ADAMTSL1: variants seen among roughly 807,000 people sequenced by gnomAD.
ADAMTSL1 encodes the protein ADAMTS like 1.
A neutral mutation model predicts 201.8 loss-of-function variants in ADAMTSL1; 126 were observed. That is an observed-to-expected ratio of 0.62 (90% CI 0.54 to 0.72). The LOEUF is 0.72. Among genes scored for constraint, ADAMTSL1 ranks in the 30% least tolerant of loss-of-function variants. The pLI, the probability that ADAMTSL1 is intolerant of heterozygous loss-of-function variation, is 0.00. For missense variants in ADAMTSL1, 2,679 were observed against 2,277.8 expected, an observed-to-expected ratio of 1.18 and a Z score of -3.59; for synonymous variants, 1,121 against 903.4, an observed-to-expected ratio of 1.24 and a Z score of -4.32.
chr9:18,169,377 T>C (rs1312535134), intron 2 of ADAMTSL1, among the ~76,000 whole-genome samples: 4 of 152,136 alleles, frequency 2.6e-5, no homozygotes, highest in African/African-American at 7.2e-5. Context: ...ACTTATTAAA[T>C]AGGGAATCCT....
intron 28 of ADAMTSL1, 59 bp downstream of exon 28, chr9:18,906,971 A>C (rs779410474): frequency 6.3e-7 from 1 of 1,592,652 alleles, no homozygotes. Context: ...GAGTGCAGAG[A>C]GCAGTCCCTG....
At chr9:18,004,875 C>T (rs146770995) in intron 1 of ADAMTSL1, among the ~76,000 whole-genome samples, 95 of 152,170 alleles carry the variant, frequency 6.2e-4, no homozygotes, top group African/African-American at 1.7e-3. Flanking sequence ...AAAGTGAAGA[C>T]GTACCAAATG....
intron 2 of ADAMTSL1, among the ~76,000 whole-genome samples, chr9:18,424,787 C>T (rs968919563): frequency 6.6e-6 from 1 of 152,116 alleles, no homozygotes; most frequent in Non-Finnish European, 1.5e-5. Context: ...CAAGTGGAAT[C>T]TTGAGGTTTT....
At position 18,829,823 on chromosome 9, in the gene ADAMTSL1, C is replaced by T. The variant is rs149789053; in HGVS notation, c.4115-20C>T. 3.3e-5 allele frequency: 53 copies of T among 1,613,764 alleles called. No homozygotes were observed. Among genetic ancestry groups the T allele is most frequent in the African/African-American group, 5.3e-5 (4 of 75,040 alleles). ...GCCCTGTGCTTTAACCTGCCTGATC[C>T]ACCCTCTGCCTTCTCACAGATCCCC... is the stretch of plus-strand genomic sequence containing the variant. On this transcript the variant is annotated intron_variant, in intron 22 of 28. Transcript: ENST00000380548.
chr9:18,441,096 G>A (rs544159600), intron 2 of ADAMTSL1, among the ~76,000 whole-genome samples: 3 of 152,038 alleles, frequency 2.0e-5, no homozygotes, highest in East Asian at 1.9e-4. Context: ...TATTCCATTT[G>A]TAGTTAATGT....
intron 1 of ADAMTSL1, among the ~76,000 whole-genome samples, chr9:17,987,016 T>G (rs1818955191): frequency 6.6e-6 from 1 of 152,154 alleles, no homozygotes; most frequent in Non-Finnish European, 1.5e-5. Context: ...TTACAGCTTG[T>G]TAGGGGAAGA....
At chr9:18,325,756 T>C (rs1834806928) in intron 2 of ADAMTSL1, among the ~76,000 whole-genome samples, 1 of 151,996 alleles carries the variant, frequency 6.6e-6, no homozygotes, top group Non-Finnish European at 1.5e-5. Flanking sequence ...TTTTTTTTTT[T>C]TTGAAACAGA....
chr9:18,436,347 C>T (rs1587205732), intron 2 of ADAMTSL1, among the ~76,000 whole-genome samples: 1 of 152,170 alleles, frequency 6.6e-6, no homozygotes, highest in East Asian at 1.9e-4. Flanking sequence ...GACCACATCC[C>T]ATGCACCTCC....
intron 15 of ADAMTSL1, among the ~76,000 whole-genome samples, chr9:18,730,338 A>T (rs1818136376): frequency 6.6e-6 from 1 of 152,258 alleles, no homozygotes; most frequent in Non-Finnish European, 1.5e-5. Context: ...AAGTGACATA[A>T]AAATGAGGGA....
intron 2 of ADAMTSL1, among the ~76,000 whole-genome samples, chr9:18,446,091 A>G (rs1820181515): frequency 6.6e-6 from 1 of 152,150 alleles, no homozygotes; most frequent in Non-Finnish European, 1.5e-5. Flanking sequence ...TTCTTCCTGT[A>G]TTGAACAACA....
chr9:18,464,785 A>C (rs1474738238), intron 2 of ADAMTSL1, among the ~76,000 whole-genome samples: 2 of 152,326 alleles, frequency 1.3e-5, no homozygotes, highest in Non-Finnish European at 1.5e-5. Flanking sequence ...GTAAAATTGC[A>C]GTGCAAAAAA....
intron 2 of ADAMTSL1, among the ~76,000 whole-genome samples, chr9:18,368,218 G>A (rs1424847993): frequency 6.6e-6 from 1 of 152,040 alleles, no homozygotes; most frequent in Non-Finnish European, 1.5e-5. Context: ...CCTGGCTGAG[G>A]GAGTCTTTTA....
rs960521401 is a variant in ADAMTSL1, at chr9:18,699,850, T to G, written c.1575-6897T>G. 3.3e-5 allele frequency among the ~76,000 whole-genome samples: 5 copies of G among 152,188 alleles called. No homozygotes were observed. In the South Asian group the frequency reaches 6.2e-4, roughly 19 times the overall value. On this transcript the variant is annotated intron_variant, in intron 13 of 28. Transcript: ENST00000380548. Reference sequence around the variant, plus strand: ...TGCCTCATAGCCTAGGCTTGACACTTGAGGATTTGAGAAATCTATGAAAAG... The same window carrying G: ...TGCCTCATAGCCTAGGCTTGACACTGGAGGATTTGAGAAATCTATGAAAAG...
At chr9:18,294,491 C>T (rs991362555) in intron 2 of ADAMTSL1, among the ~76,000 whole-genome samples, 5 of 152,118 alleles carry the variant, frequency 3.3e-5, no homozygotes, top group African/African-American at 1.2e-4. Context: ...GGGCTGAGTA[C>T]CTTTGTCTAA....
chr9:18,770,839 C>A (rs1820650856), intron 17 of ADAMTSL1, 58 bp downstream of exon 17: 1 of 1,525,938 alleles, frequency 6.6e-7, no homozygotes, highest in Non-Finnish European at 8.9e-7. Context: ...GAAGGCACCC[C>A]AGACATATAC....
At position 18,277,231 on chromosome 9, in the gene ADAMTSL1, A is replaced by G. The variant is rs79552336; in HGVS notation, c.207+113250A>G. Among the ~76,000 whole-genome samples, 153 of 152,280 alleles carry G rather than the reference A, an allele frequency of 1.0e-3. 2 individuals carry two copies. Among genetic ancestry groups the G allele is most frequent in the African/African-American group, 3.5e-3 (145 of 41,548 alleles). On this transcript the variant is annotated intron_variant, in intron 2 of 29. Transcript: ENST00000680146. Reference sequence around the variant, plus strand: ...ATGTATTCTGCTGCTGTTGGATGCAATATTCTGCATATGTGTGTTAAGTCC... The same window carrying G: ...ATGTATTCTGCTGCTGTTGGATGCAGTATTCTGCATATGTGTGTTAAGTCC...
chr9:18,883,840 A>AGTC (rs1828692218), intron 23 of ADAMTSL1, among the ~76,000 whole-genome samples: 6 of 152,206 alleles, frequency 3.9e-5, no homozygotes, highest in Admixed American at 2.6e-4. Flanking sequence ...GAGTGGTTTA[A>AGTC]ATCTTTTGGG....
intron 14 of ADAMTSL1, among the ~76,000 whole-genome samples, chr9:18,707,852 G>A (rs1432114057): frequency 6.6e-6 from 1 of 152,178 alleles, no homozygotes; most frequent in Non-Finnish European, 1.5e-5. Context: ...GATTCTTTCA[G>A]ATGTTATGAA....
intron 2 of ADAMTSL1, among the ~76,000 whole-genome samples, chr9:18,251,215 A>T (rs1241704927): frequency 6.6e-6 from 1 of 152,216 alleles, no homozygotes; most frequent in Non-Finnish European, 1.5e-5. Flanking sequence ...CAGAAAACAG[A>T]CTTGGAAGAC....
Sources: allele counts gnomAD v4.1 joint callset (sites outside exome capture counted in the v4.1 genomes callset), GRCh38; gene constraint gnomAD v4.1.1; transcripts MANE v1.5; gene names NCBI Gene and HGNC (gene_info 2026-07-23, HGNC 2026-07-21).